Variants in NCAM2 observed in about 807,000 individuals in gnomAD.
NCAM2 encodes the protein neural cell adhesion molecule 2.
Under a neutral mutation model 98.1 loss-of-function variants are expected in NCAM2, and 30 were observed. That is an observed-to-expected ratio of 0.31 (90% CI 0.23 to 0.41). NCAM2 has a LOEUF of 0.41. NCAM2 is among the 10% of genes least tolerant of loss of function. The pLI is 1.00. For missense variants in NCAM2, 867 were observed against 1,005.8 expected, an observed-to-expected ratio of 0.86 and a Z score of 1.87; for synonymous variants, 368 against 342.4, an observed-to-expected ratio of 1.07 and a Z score of -0.83.
intron 12 of NCAM2, among the ~76,000 whole-genome samples, chr21:21,451,574 A>G (rs1284784487): frequency 6.6e-6 from 1 of 152,124 alleles, no homozygotes; most frequent in African/African-American, 2.4e-5. Context: ...CACAGTCTTA[A>G]TTGTTACTAC....
intron 16 of NCAM2, among the ~76,000 whole-genome samples, chr21:21,520,443 A>G (rs1017013350): frequency 6.6e-6 from 1 of 152,152 alleles, no homozygotes; most frequent in Non-Finnish European, 1.5e-5. Flanking sequence ...TTCTTCAGGC[A>G]GAGGGAATGG....
intron 1 of NCAM2, among the ~76,000 whole-genome samples, chr21:20,999,081 CT>C (rs575593750): frequency 4.1e-4 from 61 of 149,450 alleles, no homozygotes; most frequent in African/African-American, 1.2e-3. Flanking sequence ...CTTGGAGACT[CT>C]TTTTTTTTTC....
At chr21:21,089,994 G>A (rs111789303) in intron 1 of NCAM2, among the ~76,000 whole-genome samples, 1,820 of 152,216 alleles carry the variant, frequency 0.012, 25 homozygotes, top group African/African-American at 0.028. Context: ...AATAGGTAGG[G>A]ATGCAAGGAC....
At position 21,541,050 on chromosome 21, in the gene NCAM2, A is replaced by G. The variant is rs538616618; in HGVS notation, c.*3093A>G. 6.6e-6 allele frequency: 1 copy of G among 151,724 alleles called. No individual in the cohort carries two copies. The highest frequency in any genetic ancestry group is 1.5e-5 in the Non-Finnish European group (1 of 67,784). 9.4% of individuals were successfully genotyped at this position (151,724 alleles called of 1,614,324 possible). ...ACTATAAAAGCATTTTTCAAAGGCT[A>G]TTTGATCCAGCACACTTCATATGGA... is the stretch of plus-strand genomic sequence containing the variant. On this transcript the variant is annotated 3_prime_UTR_variant, in exon 18 of 18. Coordinates refer to ENST00000400546, the MANE Select transcript of NCAM2 (RefSeq NM_004540.5).
chr21:21,487,501 A>G (rs1450536590), intron 15 of NCAM2, among the ~76,000 whole-genome samples: 6 of 152,126 alleles, frequency 3.9e-5, no homozygotes, highest in Admixed American at 2.6e-4. Flanking sequence ...TCAGAAATAT[A>G]TGTCTATGTC....
chr21:21,343,951 A>G lies in NCAM2; in HGVS notation c.1044+5417A>G, dbSNP rs56192400. Among the ~76,000 whole-genome samples the G allele has an allele frequency of 4.0e-3, 604 of 152,202 alleles. 7 individuals are homozygous for G. The highest frequency in any genetic ancestry group is 0.014 in the African/African-American group (585 of 41,530). On this transcript the variant is annotated intron_variant, in intron 8 of 17. Transcript: ENST00000400546. ...GGAGTGCTGTCATCTTCCCTCCCCT[A>G]ACCCCAGCCTGCACAGCTTGTGGCT...
At chr21:21,175,607 G>T (rs978656632) in intron 1 of NCAM2, among the ~76,000 whole-genome samples, 6 of 152,172 alleles carry the variant, frequency 3.9e-5, no homozygotes, top group African/African-American at 1.4e-4. Flanking sequence ...ATTAATTTAA[G>T]GTTTGCTTTG....
intron 1 of NCAM2, among the ~76,000 whole-genome samples, chr21:21,050,622 C>T (rs896904286): frequency 2.6e-5 from 4 of 152,146 alleles, no homozygotes; most frequent in East Asian, 1.9e-4. Flanking sequence ...TATTCATCTT[C>T]GGATTCCCAA....
chr21:21,008,753 T>C (rs2064154177), intron 1 of NCAM2, among the ~76,000 whole-genome samples: 1 of 152,168 alleles, frequency 6.6e-6, no homozygotes, highest in Non-Finnish European at 1.5e-5. Flanking sequence ...TAAGATGCCA[T>C]TAATTTTAAT....
intron 1 of NCAM2, among the ~76,000 whole-genome samples, chr21:21,027,347 AG>A (rs1210533130): frequency 1.3e-5 from 2 of 152,210 alleles, no homozygotes; most frequent in East Asian, 3.9e-4. Flanking sequence ...TCATTATGGT[AG>A]CATTATGATA....
chr21:21,252,159 C>A (rs956940154), intron 1 of NCAM2, among the ~76,000 whole-genome samples: 2 of 151,998 alleles, frequency 1.3e-5, no homozygotes, highest in Non-Finnish European at 2.9e-5. Flanking sequence ...GATACCATCT[C>A]ATGCCAGTTA....
intron 6 of NCAM2, among the ~76,000 whole-genome samples, chr21:21,333,279 C>T (rs1448002010): frequency 2.0e-5 from 3 of 152,138 alleles, no homozygotes; most frequent in African/African-American, 7.2e-5. Context: ...AATCTGTACA[C>T]ACTTATGTTC....
intron 15 of NCAM2, among the ~76,000 whole-genome samples, chr21:21,500,979 G>A (rs77837468): frequency 2.6e-5 from 4 of 151,982 alleles, no homozygotes; most frequent in Non-Finnish European, 2.9e-5. Flanking sequence ...TTTTAAAGCC[G>A]TGAGCATTTA....
At position 21,436,295 on chromosome 21, in the gene NCAM2, A is replaced by C. The variant is rs78837584; in HGVS notation, c.1654+4014A>C. Among the ~76,000 whole-genome samples the C allele has an allele frequency of 3.4e-3, 512 of 152,142 alleles. 2 individuals are homozygous for C. Among genetic ancestry groups the C allele is most frequent in the Middle Eastern group, 6.8e-3 (2 of 294 alleles). On this transcript the variant is annotated intron_variant, in intron 12 of 17. Coordinates refer to ENST00000400546, the MANE Select transcript of NCAM2 (RefSeq NM_004540.5). ...TCCTTTAAAGTAGCATTTCCACCTT[A>C]CTCACATTTTCCCATCTGACTGACT...
chr21:21,168,979 A>G (rs942172880), intron 1 of NCAM2, among the ~76,000 whole-genome samples: 1 of 152,138 alleles, frequency 6.6e-6, no homozygotes, highest in Non-Finnish European at 1.5e-5. Context: ...ACCCAGAATG[A>G]CCAATTCAAT....
intron 16 of NCAM2, among the ~76,000 whole-genome samples, chr21:21,512,206 C>A (rs1363627238): frequency 6.6e-6 from 1 of 151,882 alleles, no homozygotes; most frequent in Non-Finnish European, 1.5e-5. Flanking sequence ...CATGTTTACT[C>A]TAGTACTTTC....
chr21:21,466,055 G>C (rs141979076), intron 12 of NCAM2, among the ~76,000 whole-genome samples: 1 of 152,086 alleles, frequency 6.6e-6, no homozygotes, highest in East Asian at 1.9e-4. Flanking sequence ...GAAAATACAA[G>C]TTATGAGTAG....
intron 5 of NCAM2, among the ~76,000 whole-genome samples, chr21:21,298,533 T>A (rs953924494): frequency 3.3e-5 from 5 of 151,566 alleles, no homozygotes; most frequent in African/African-American, 1.2e-4. Context: ...TTATCTCTTA[T>A]ATAACTGTTA....
intron 8 of NCAM2, among the ~76,000 whole-genome samples, chr21:21,367,643 T>C (rs1168172525): frequency 4.6e-5 from 7 of 151,988 alleles, no homozygotes; most frequent in Non-Finnish European, 1.0e-4. Flanking sequence ...TCATATTTAT[T>C]GCTTAGATCT....
Sources: allele counts gnomAD v4.1 joint callset (sites outside exome capture counted in the v4.1 genomes callset), GRCh38; gene constraint gnomAD v4.1.1; transcripts MANE v1.5; gene names NCBI Gene and HGNC (gene_info 2026-07-23, HGNC 2026-07-21).